NEK11: variants seen among roughly 807,000 people sequenced by gnomAD.
The protein encoded by NEK11 is NIMA related kinase 11.
In NEK11, 72 loss-of-function variants were observed where a neutral mutation model predicts 80.7. That is an observed-to-expected ratio of 0.89 (90% CI 0.74 to 1.08). The LOEUF (loss-of-function observed/expected upper bound fraction) is 1.08, where lower values mean the gene tolerates loss of function less well. Among genes scored for constraint, NEK11 ranks in the 50% least tolerant of loss-of-function variants. The probability of loss-of-function intolerance (pLI) is 0.00; values close to 1 mark genes in which losing one functional copy is unlikely to be tolerated. For missense variants in NEK11, 764 were observed against 763.6 expected (o/e 1.00, Z -0.01); for synonymous variants, 251 against 260.7 (o/e 0.96, Z 0.36).
chr3:131,111,041 TTTTATTTC>T (rs1338706745), intron 5 of NEK11, among the ~76,000 whole-genome samples: 1 of 152,210 alleles, frequency 6.6e-6, no homozygotes, highest in Non-Finnish European at 1.5e-5. Context: ...TTGGTATTTC[TTTTATTTC>T]TTTATTTCTT....
At chr3:131,302,588 T>C (rs1322672554) in intron 17 of NEK11, among the ~76,000 whole-genome samples, 1 of 152,258 alleles carries the variant, frequency 6.6e-6, no homozygotes, top group Admixed American at 6.5e-5. Context: ...TCTTGATGTC[T>C]AACTTAATTG....
intron 15 of NEK11, among the ~76,000 whole-genome samples, chr3:131,235,417 T>C (rs1010514661): frequency 1.3e-5 from 2 of 152,042 alleles, no homozygotes; most frequent in Non-Finnish European, 1.5e-5. Context: ...AACAGAAAAA[T>C]ACAAGTCCCA....
At chr3:131,339,761 A>G (rs939155428) in intron 17 of NEK11, among the ~76,000 whole-genome samples, 2 of 152,192 alleles carry the variant, frequency 1.3e-5, no homozygotes, top group African/African-American at 4.8e-5. Flanking sequence ...AGGCACCTGG[A>G]AGTGGCAAGA....
chr3:131,274,779 G>T (rs369031907), intron 17 of NEK11, among the ~76,000 whole-genome samples: 2 of 149,482 alleles, frequency 1.3e-5, no homozygotes, highest in African/African-American at 4.9e-5. Context: ...TCAGCCTCCC[G>T]AGTAGCTGGG....
chr3:131,095,917 T>C (rs1221535322), intron 4 of NEK11, among the ~76,000 whole-genome samples: 1 of 152,198 alleles, frequency 6.6e-6, no homozygotes, highest in African/African-American at 2.4e-5. Flanking sequence ...GCAACAGTAG[T>C]CATTTAAGCA....
intron 14 of NEK11, among the ~76,000 whole-genome samples, chr3:131,218,929 T>C (rs2094929977): frequency 6.6e-6 from 1 of 152,184 alleles, no homozygotes; most frequent in Non-Finnish European, 1.5e-5. Context: ...ATAGGAATGC[T>C]TTTACACTGT....
chr3:131,322,255 A>G (rs934899360), intron 17 of NEK11, among the ~76,000 whole-genome samples: 4 of 152,146 alleles, frequency 2.6e-5, no homozygotes, highest in Non-Finnish European at 5.9e-5. Context: ...ACCAGATACC[A>G]CATGTTGTCA....
At chr3:131,229,211 G>A (rs1382345287) in intron 15 of NEK11, among the ~76,000 whole-genome samples, 1 of 152,116 alleles carries the variant, frequency 6.6e-6, no homozygotes, top group Admixed American at 6.5e-5. Flanking sequence ...CTTAAGTGGT[G>A]AAGTCTCTGA....
chr3:131,088,835 T>G (rs1264554574), intron 4 of NEK11, among the ~76,000 whole-genome samples: 2 of 152,206 alleles, frequency 1.3e-5, no homozygotes, highest in African/African-American at 4.8e-5. Context: ...TGTTTTGCTT[T>G]TAAGAGCATA....
chr3:131,231,778 A>G (rs2095334805), intron 15 of NEK11, among the ~76,000 whole-genome samples: 1 of 151,932 alleles, frequency 6.6e-6, no homozygotes, highest in Admixed American at 6.6e-5. Context: ...GCCATCTCTC[A>G]GATTGGCCTC....
intron 15 of NEK11, among the ~76,000 whole-genome samples, chr3:131,239,708 G>A (rs1165776456): frequency 6.6e-6 from 1 of 152,030 alleles, no homozygotes; most frequent in Non-Finnish European, 1.5e-5. Flanking sequence ...TAACCTTTTG[G>A]GAGACTCTCA....
chr3:131,090,135 C>T (rs1339450959), intron 4 of NEK11, among the ~76,000 whole-genome samples: 3 of 152,090 alleles, frequency 2.0e-5, no homozygotes, highest in Non-Finnish European at 4.4e-5. Context: ...AAAATCAAAT[C>T]CTTTTAGGAT....
intron 17 of NEK11, among the ~76,000 whole-genome samples, chr3:131,312,903 A>G (rs2096795956): frequency 6.6e-6 from 1 of 152,092 alleles, no homozygotes; most frequent in African/African-American, 2.4e-5. Context: ...TTTGTTGTGT[A>G]GATTATTTCA....
At chr3:131,146,690 A>G (rs1427937186) in intron 7 of NEK11, among the ~76,000 whole-genome samples, 4 of 151,990 alleles carry the variant, frequency 2.6e-5, no homozygotes, top group Non-Finnish European at 5.9e-5. Context: ...TTTTCATAGT[A>G]TAACAAGTAC....
intron 4 of NEK11, among the ~76,000 whole-genome samples, chr3:131,091,364 C>T (rs1290137469): frequency 2.0e-5 from 3 of 152,078 alleles, no homozygotes; most frequent in South Asian, 4.1e-4. Context: ...CTTCAATAGT[C>T]TAAATATATA....
chr3:131,168,054 G>A (rs1465549792), intron 12 of NEK11, among the ~76,000 whole-genome samples: 1 of 152,176 alleles, frequency 6.6e-6, no homozygotes, highest in African/African-American at 2.4e-5. Flanking sequence ...GCTGGTTCAG[G>A]CCCACAGACT....
rs540754925 is a variant in NEK11, at chr3:131,149,148, C to T, written c.648-3240C>T. Among the ~76,000 whole-genome samples the T allele has an allele frequency of 1.7e-4, 26 of 152,166 alleles. 1 individual carries two copies. In the South Asian group the frequency reaches 4.8e-3, roughly 28 times the overall value. On this transcript the variant is annotated intron_variant, in intron 7 of 17. Coordinates refer to ENST00000383366, the MANE Select transcript of NEK11 (RefSeq NM_024800.5). ...TGAGTTCCTCAACCTCCTCCTCTCC[C>T]TCTACCCTCAAGTAGGCCCCAGTGT... is the stretch of plus-strand genomic sequence containing the variant.
chr3:131,269,571 C>G (rs918896270), intron 16 of NEK11, among the ~76,000 whole-genome samples: 1 of 152,180 alleles, frequency 6.6e-6, no homozygotes. Context: ...ATTGTCTAAC[C>G]AGTCCCAATG....
chr3:131,269,150 G>C (rs2096125407), intron 16 of NEK11, among the ~76,000 whole-genome samples: 1 of 152,224 alleles, frequency 6.6e-6, no homozygotes, highest in Non-Finnish European at 1.5e-5. Context: ...GTTGACTTCA[G>C]ACTGCTGTGC....
Sources: allele counts gnomAD v4.1 joint callset (sites outside exome capture counted in the v4.1 genomes callset), GRCh38; gene constraint gnomAD v4.1.1; transcripts MANE v1.5; gene names NCBI Gene and HGNC (gene_info 2026-07-23, HGNC 2026-07-21).